The following STAT4 variants were observed in gnomAD, a reference collection of about 807,000 sequenced individuals.
The protein encoded by STAT4 is signal transducer and activator of transcription 4.
STAT4 carries 42 observed loss-of-function variants against 110.5 expected under a neutral mutation model. The observed-to-expected ratio is 0.38, with a 90% confidence interval of 0.30 to 0.49. STAT4 has a LOEUF of 0.49. Ranked by LOEUF, STAT4 falls within the 20% of genes least tolerant of loss-of-function variation. The pLI is 0.95. For missense variants in STAT4, 632 were observed against 887.9 expected (o/e 0.71, Z 3.66); for synonymous variants, 284 against 302.2 (o/e 0.94, Z 0.63).
chr2:191,039,879 C>T lies in STAT4; in HGVS notation c.1336-582G>A, dbSNP rs1010291026. Among the ~76,000 whole-genome samples the T allele has an allele frequency of 1.3e-5, 2 of 152,186 alleles. No homozygotes were observed. The highest frequency in any genetic ancestry group is 1.3e-4 in the Admixed American group (2 of 15,280). On this transcript the variant is annotated intron_variant, in intron 15 of 23. Transcript: ENST00000392320. This position sits in a 1 kb window ranked among gnomAD's most constrained non-coding sequence, Gnocchi z 4.7. ...ACTTTATGAGATAAACAGGCTTTTACAAATTAGCTTGGGAAACTAATCAAC... is the reference window on the plus strand; with the variant it reads ...ACTTTATGAGATAAACAGGCTTTTATAAATTAGCTTGGGAAACTAATCAAC...
intron 3 of STAT4, among the ~76,000 whole-genome samples, chr2:191,076,604 C>T (rs1267105344): frequency 6.6e-6 from 1 of 151,520 alleles, no homozygotes; most frequent in East Asian, 1.9e-4. Flanking sequence ...CCTGAACACA[C>T]ACTTAGGAGG....
intron 3 of STAT4, among the ~76,000 whole-genome samples, chr2:191,111,209 A>G (rs535675585): frequency 5.3e-5 from 8 of 152,322 alleles, no homozygotes; most frequent in African/African-American, 1.7e-4. Context: ...GAGTGATGTC[A>G]TATCTGGGGT....
chr2:191,105,052 GAC>G (rs1261080172), intron 3 of STAT4, among the ~76,000 whole-genome samples: 1 of 152,188 alleles, frequency 6.6e-6, no homozygotes, highest in Non-Finnish European at 1.5e-5. Flanking sequence ...CAAAATAAAA[GAC>G]ATATTTAAAT....
At position 191,029,631 on chromosome 2, in the gene STAT4, G is replaced by T; in HGVS notation, c.*209C>A. 1.8e-6 allele frequency: 1 copy of T among 549,414 alleles called. No homozygotes were observed. Among genetic ancestry groups the T allele is most frequent in the East Asian group, 3.4e-5 (1 of 29,148 alleles). The allele number at this position is 549,414 out of a possible 1,614,324, so 34.0% of individuals were successfully genotyped here. A position where few individuals can be genotyped will look rare whatever the true frequency, so the allele number is the denominator to read the frequency against. On this transcript the variant is annotated 3_prime_UTR_variant, in exon 24 of 24. Coordinates refer to ENST00000392320, the MANE Select transcript of STAT4 (RefSeq NM_003151.4). This position sits in a 1 kb window ranked among gnomAD's most constrained non-coding sequence, Gnocchi z 4.5. ...TTCTTAAAGTTGTCTTATCTTGCAA[G>T]TTTATCTGAAGCTTTGGTTTCAAGC... is the stretch of plus-strand genomic sequence containing the variant.
At chr2:191,129,984 C>CTT (rs145185133) in intron 3 of STAT4, among the ~76,000 whole-genome samples, 2,012 of 150,614 alleles carry the variant, frequency 0.013, 43 homozygotes, top group African/African-American at 0.044. Flanking sequence ...TTTTAGTGGT[C>CTT]TTTTTGAAAT....
chr2:191,079,935 G>T (rs1697416416), intron 3 of STAT4, among the ~76,000 whole-genome samples: 1 of 152,006 alleles, frequency 6.6e-6, no homozygotes, highest in Non-Finnish European at 1.5e-5. Context: ...TTTCATACAG[G>T]TTTATTAAAC....
rs1020354762 is a variant in STAT4 at position 191,144,755 on chromosome 2, CCTG to C, written c.273+1855_273+1857del. 6.6e-6 allele frequency among the ~76,000 whole-genome samples: 1 copy of C among 152,144 alleles called. No individual in the cohort carries two copies. The highest frequency in any genetic ancestry group is 2.4e-5 in the African/African-American group (1 of 41,428). On this transcript the variant is annotated intron_variant, in intron 3 of 23. Coordinates refer to ENST00000392320, the MANE Select transcript of STAT4 (RefSeq NM_003151.4). This position sits in a 1 kb window ranked among gnomAD's most constrained non-coding sequence, Gnocchi z 4.7. ...TACCCCTGATTTACACTGAGAAAAT[CCTG>C]CTATTTTACCTACCAACAATAAGAA...
At chr2:191,040,867 C>T (rs185189452) in intron 15 of STAT4, among the ~76,000 whole-genome samples, 198 bp downstream of exon 15, 12 of 152,274 alleles carry the variant, frequency 7.9e-5, no homozygotes, top group Admixed American at 7.2e-4. Flanking sequence ...CCCAGCTACC[C>T]ACAAGCTTTT....
intron 3 of STAT4, among the ~76,000 whole-genome samples, chr2:191,115,364 CT>C (rs1287439372): frequency 1.3e-5 from 2 of 152,148 alleles, no homozygotes; most frequent in Non-Finnish European, 2.9e-5. Flanking sequence ...GAAAATAATT[CT>C]TTGGAGGTTA....
intron 14 of STAT4, among the ~76,000 whole-genome samples, chr2:191,044,805 A>G (rs753894128): frequency 6.6e-6 from 1 of 152,230 alleles, no homozygotes; most frequent in East Asian, 1.9e-4. Context: ...ACCAAATTGT[A>G]AGGAGTTTTC....
rs555660034 is a variant in STAT4, at chr2:191,046,642, G to A, written c.1252-5494C>T. On this transcript the variant is annotated intron_variant, in intron 14 of 23. Transcript: ENST00000392320. This position sits in a 1 kb window ranked among gnomAD's most constrained non-coding sequence, Gnocchi z 4.6. Reference sequence around the variant, plus strand: ...GACTGCAGCTGGAGGATGGTTGAAGGAAAACTTTCGGAGTGAGGTGCTATG... The same window carrying A: ...GACTGCAGCTGGAGGATGGTTGAAGAAAAACTTTCGGAGTGAGGTGCTATG... Among the ~76,000 whole-genome samples, 1 of 152,232 alleles carries A rather than the reference G, an allele frequency of 6.6e-6. No individual in the cohort carries two copies. Among genetic ancestry groups the A allele is most frequent in the South Asian group, 2.1e-4 (1 of 4,820 alleles).
intron 3 of STAT4, among the ~76,000 whole-genome samples, chr2:191,084,864 A>G (rs1220942889): frequency 4.6e-5 from 7 of 151,978 alleles, no homozygotes; most frequent in African/African-American, 1.7e-4. Context: ...ATAAAAATAT[A>G]AAAAGTTTAT....
At chr2:191,047,783 A>G (rs1393014552) in intron 14 of STAT4, among the ~76,000 whole-genome samples, 6 of 152,308 alleles carry the variant, frequency 3.9e-5, no homozygotes, top group Non-Finnish European at 8.8e-5. Flanking sequence ...CTCCTGCCTC[A>G]GCCTCCTGAG....
rs1435977934 is a variant in STAT4, at chr2:191,077,512, A to G, written c.274-1187T>C. On this transcript the variant is annotated intron_variant, in intron 3 of 23. Transcript: ENST00000392320. This position sits in a 1 kb window ranked among gnomAD's most constrained non-coding sequence, Gnocchi z 4.1. ...TCCTCCCTGAAGCTGGTGTGAATAT[A>G]TATGAAATGACCAAAAGGTTAGCAG... Among the ~76,000 whole-genome samples the G allele has an allele frequency of 6.6e-6, 1 of 152,222 alleles. No homozygotes were observed. Among genetic ancestry groups the G allele is most frequent in the East Asian group, 1.9e-4 (1 of 5,202 alleles).
intron 3 of STAT4, among the ~76,000 whole-genome samples, chr2:191,101,456 A>G (rs1185051716): frequency 6.6e-6 from 1 of 152,194 alleles, no homozygotes; most frequent in Non-Finnish European, 1.5e-5. Context: ...TTTAAAAGGA[A>G]TAAAAGAATG....
chr2:191,062,434 A>C lies in STAT4; in HGVS notation c.941+328T>G, dbSNP rs936148904. On this transcript the variant is annotated intron_variant, in intron 9 of 23. Transcript: ENST00000392320. The surrounding 1 kb of genome is among the most constrained non-coding windows in gnomAD (Gnocchi z 4.9). The stretch of plus-strand genomic sequence containing the variant: ...ATTAGTATTTTTTCTTTAGCTTATA[A>C]ACATGAAAATGTTCTCCATCCTTCA... Among the ~76,000 whole-genome samples the C allele has an allele frequency of 6.6e-6, 1 of 152,150 alleles. No homozygotes were observed. Among genetic ancestry groups the C allele is most frequent in the South Asian group, 2.1e-4 (1 of 4,824 alleles).
At chr2:191,034,289 G>C (rs3024931) in intron 18 of STAT4, among the ~76,000 whole-genome samples, 341 of 152,096 alleles carry the variant, frequency 2.2e-3, no homozygotes, top group Middle Eastern at 3.4e-3. Context: ...CGGGCGTGGT[G>C]GTGGGTGCCT....
intron 3 of STAT4, among the ~76,000 whole-genome samples, chr2:191,111,044 C>T (rs1406934300): frequency 6.6e-6 from 1 of 152,056 alleles, no homozygotes; most frequent in Non-Finnish European, 1.5e-5. Flanking sequence ...CTTCGGCCTC[C>T]CAAAGTGCTA....
rs1451873023 is a variant in STAT4, at chr2:191,135,674, G to T, written c.273+10939C>A. On this transcript the variant is annotated intron_variant, in intron 3 of 23. Transcript: ENST00000392320. The surrounding 1 kb of genome is among the most constrained non-coding windows in gnomAD (Gnocchi z 4.8). ...GTAGAGACAGGGTTTCACCATGTTG[G>T]CTGCACTGGTCTCAAACTCCTGACC... 4.6e-5 allele frequency among the ~76,000 whole-genome samples: 7 copies of T among 152,112 alleles called. No homozygotes were observed. The highest frequency in any genetic ancestry group is 1.0e-4 in the Non-Finnish European group (7 of 68,024).
Sources: gnomAD v4.1 joint callset for allele counts (sites outside exome capture counted in the v4.1 genomes callset) on GRCh38, gnomAD v4.1.1 for gene constraint, Gnocchi (gnomAD v3.1) non-coding constraint, MANE v1.5 for transcripts, NCBI Gene and HGNC (gene_info 2026-07-23, HGNC 2026-07-21) for gene names.